Variants in PDE8B observed in about 807,000 individuals in gnomAD.
PDE8B encodes high affinity cAMP-specific and IBMX-insensitive 3',5'-cyclic phosphodiesterase 8B.
In PDE8B, 26 loss-of-function variants were observed where a neutral mutation model predicts 101.3. The observed-to-expected ratio is 0.26, with a 90% confidence interval of 0.19 to 0.36. The LOEUF is 0.36. PDE8B is among the 10% of genes least tolerant of loss of function. The pLI is 1.00. For synonymous variants in PDE8B, 424 were observed against 429.3 expected (o/e 0.99, Z 0.15); for missense variants, 810 against 1,163.1 (o/e 0.70, Z 4.42).
At chr5:77,393,286 C>T (rs764911231) in intron 10 of PDE8B, among the ~76,000 whole-genome samples, 8 of 151,862 alleles carry the variant, frequency 5.3e-5, no homozygotes, top group African/African-American at 1.5e-4. Context: ...CCCAGCTACT[C>T]GGGTGGCTGA....
the PDE8B span, chr5:77,113,277 C>T: frequency 6.6e-6 from 1 of 152,200 alleles, no homozygotes; most frequent in Non-Finnish European, 1.5e-5. Context: ...TACAAGGCTA[C>T]AGTAACCAAA....
intron 1 of PDE8B, among the ~76,000 whole-genome samples, chr5:77,266,037 T>C (rs957167581): frequency 6.6e-6 from 1 of 152,198 alleles, no homozygotes; most frequent in Non-Finnish European, 1.5e-5. Flanking sequence ...CACCCTAGCA[T>C]GATAGGGATG....
intron 1 of PDE8B, among the ~76,000 whole-genome samples, chr5:77,216,981 T>C (rs113546402): frequency 0.014 from 2,077 of 152,326 alleles, 20 homozygotes; most frequent in Non-Finnish European, 0.023. Context: ...AAAATTGTGA[T>C]GGGCAGTTTG....
At chr5:77,247,434 G>A (rs1053711646) in intron 1 of PDE8B, among the ~76,000 whole-genome samples, 1 of 152,198 alleles carries the variant, frequency 6.6e-6, no homozygotes, top group Non-Finnish European at 1.5e-5. Flanking sequence ...ATCACAATGA[G>A]TGCATCCCTG....
At chr5:77,195,584 CA>C in the PDE8B span, among the ~76,000 whole-genome samples, 7 of 152,118 alleles carry the variant, frequency 4.6e-5, no homozygotes, top group Admixed American at 2.6e-4. Context: ...ACCCCCTGCA[CA>C]GTAAAAAAAG....
chr5:77,291,373 A>G (rs932838344), intron 1 of PDE8B: 3 of 1,611,908 alleles, frequency 1.9e-6, no homozygotes, highest in African/African-American at 2.7e-5. Context: ...ACAGTGGTCT[A>G]TGGGGGCAAG....
chr5:77,421,130 G>A (rs1435694469), intron 19 of PDE8B, among the ~76,000 whole-genome samples: 1 of 152,182 alleles, frequency 6.6e-6, no homozygotes, highest in Non-Finnish European at 1.5e-5. Flanking sequence ...ATCACCACTA[G>A]GTGTGGACCA....
intron 1 of PDE8B, among the ~76,000 whole-genome samples, chr5:77,305,882 C>A (rs1054113190): frequency 6.6e-6 from 1 of 152,156 alleles, no homozygotes; most frequent in Admixed American, 6.5e-5. Flanking sequence ...CACCGTGGAC[C>A]CGTCACAAAG....
At chr5:77,369,203 CAAA>C (rs70988667) in intron 10 of PDE8B, among the ~76,000 whole-genome samples, 4 of 79,028 alleles carry the variant, frequency 5.1e-5, no homozygotes, top group Non-Finnish European at 6.8e-5. Context: ...TCCACTGTCT[CAAA>C]AAAAAAAAAA....
chr5:77,329,282 A>G (rs898731736), intron 4 of PDE8B, among the ~76,000 whole-genome samples: 1 of 152,186 alleles, frequency 6.6e-6, no homozygotes, highest in Non-Finnish European at 1.5e-5. Flanking sequence ...GCACCTAGTC[A>G]TACACCTCAG....
intron 10 of PDE8B, among the ~76,000 whole-genome samples, chr5:77,354,031 A>G (rs1359395325): frequency 6.6e-6 from 1 of 152,246 alleles, no homozygotes; most frequent in African/African-American, 2.4e-5. Flanking sequence ...TACAACAAAC[A>G]TAATTATCAG....
chr5:77,119,752 GT>G, the PDE8B span: 5 of 152,086 alleles, frequency 3.3e-5, no homozygotes, highest in Non-Finnish European at 5.9e-5. Context: ...GCTCATGCCT[GT>G]AATCCTAGCA....
rs149714840 is a variant in PDE8B, at chr5:77,269,091, C to T, written c.340-42903C>T. Among the ~76,000 whole-genome samples the T allele has an allele frequency of 5.3e-3, 800 of 152,100 alleles. 8 individuals are homozygous for T. The highest frequency in any genetic ancestry group is 0.019 in the African/African-American group (776 of 41,512). ...TGTACTGTAATAATTTACATTCCCACCAACAGTGTACGAGGGTTCCCTTTC... is the reference window on the plus strand; with the variant it reads ...TGTACTGTAATAATTTACATTCCCATCAACAGTGTACGAGGGTTCCCTTTC... On this transcript the variant is annotated intron_variant, in intron 1 of 21. Transcript: ENST00000264917.
rs566963648 is a variant in PDE8B, at chr5:77,245,170, A to G, written c.339+33906A>G. 4.6e-5 allele frequency among the ~76,000 whole-genome samples: 7 copies of G among 152,332 alleles called. No homozygotes were observed. In the East Asian group the frequency reaches 1.2e-3, roughly 25 times the overall value. On this transcript the variant is annotated intron_variant, in intron 1 of 21. Coordinates refer to ENST00000264917, the MANE Select transcript of PDE8B (RefSeq NM_003719.5). Reference sequence around the variant, plus strand: ...AGGTCCAAAAGTAATGAACTAGAACATTGTCATACAGGCTTTGCATGATTT... The same window carrying G: ...AGGTCCAAAAGTAATGAACTAGAACGTTGTCATACAGGCTTTGCATGATTT...
the PDE8B span, chr5:77,119,238 G>T: frequency 6.6e-6 from 1 of 152,084 alleles, no homozygotes; most frequent in African/African-American, 2.4e-5. Flanking sequence ...GTGTAAATTG[G>T]TACAACTTTG....
chr5:77,153,634 G>A, the PDE8B span, among the ~76,000 whole-genome samples: 1 of 150,110 alleles, frequency 6.7e-6, no homozygotes, highest in African/African-American at 2.5e-5. Context: ...GAGTGCAGTG[G>A]TATGATCTCA....
the PDE8B span, among the ~76,000 whole-genome samples, chr5:77,205,344 T>C: frequency 6.6e-6 from 1 of 152,220 alleles, no homozygotes; most frequent in Non-Finnish European, 1.5e-5. Context: ...ATACAACTTA[T>C]TTTTACTGTC....
the PDE8B span, among the ~76,000 whole-genome samples, chr5:77,198,797 T>C: frequency 1.3e-5 from 2 of 152,072 alleles, no homozygotes; most frequent in East Asian, 3.8e-4. Context: ...AAGGTTGCCA[T>C]TTCTGAAAAT....
At chr5:77,105,741 A>T in the PDE8B span, 3 of 152,230 alleles carry the variant, frequency 2.0e-5, no homozygotes, top group Non-Finnish European at 2.9e-5. Flanking sequence ...TTCCAAAGTA[A>T]TAGTAACATT....
Sources: gnomAD v4.1 joint callset for allele counts (sites outside exome capture counted in the v4.1 genomes callset) on GRCh38, gnomAD v4.1.1 for gene constraint, MANE v1.5 for transcripts, NCBI Gene and HGNC (gene_info 2026-07-23, HGNC 2026-07-21) for gene names.